The following CHAT variants were observed in gnomAD, a reference collection of about 807,000 sequenced individuals.
The protein encoded by CHAT is acetyl CoA:choline O-acetyltransferase.
In CHAT, 61 loss-of-function variants were observed where a neutral mutation model predicts 76.9. That is an observed-to-expected ratio of 0.79 (90% CI 0.65 to 0.98). CHAT has a LOEUF of 0.98. Ranked by LOEUF, CHAT falls within the 50% of genes least tolerant of loss-of-function variation. The pLI, the probability that CHAT is intolerant of heterozygous loss-of-function variation, is 0.00. For missense variants in CHAT, 946 were observed against 986.9 expected (o/e 0.96, Z 0.56); for synonymous variants, 407 against 397.4 (o/e 1.02, Z -0.29).
intron 5 of CHAT, 83 bp downstream of exon 5, chr10:49,622,233 G>T: frequency 7.0e-7 from 1 of 1,421,606 alleles, no homozygotes; most frequent in Admixed American, 1.7e-5. Flanking sequence ...TCTTTTTCCA[G>T]CTCTGTATTC....
intron 7 of CHAT, among the ~76,000 whole-genome samples, chr10:49,640,915 G>A (rs901895087): frequency 6.6e-6 from 1 of 152,160 alleles, no homozygotes; most frequent in African/African-American, 2.4e-5. Flanking sequence ...AATGCAAATT[G>A]GATATTTCAG....
intron 7 of CHAT, among the ~76,000 whole-genome samples, chr10:49,642,273 G>A (rs1383184281): frequency 6.6e-6 from 1 of 152,216 alleles, no homozygotes; most frequent in African/African-American, 2.4e-5. Context: ...ATGAGCTTGG[G>A]TGTAGTGCTC....
At chr10:49,611,132 A>C, upstream of CHAT, 1 of 1,614,082 alleles carries the variant, frequency 6.2e-7, no homozygotes, top group Non-Finnish European at 8.5e-7. Flanking sequence ...TTTGCTTCCA[A>C]GGCTATCCTG....
In CHAT at chr10:49,665,837, A is replaced by T. The variant is rs1393303280; in HGVS notation, c.*791A>T. Among the ~76,000 whole-genome samples the T allele has an allele frequency of 6.6e-6, 1 of 152,122 alleles. No individual in the cohort carries two copies. Among genetic ancestry groups the T allele is most frequent in the Non-Finnish European group, 1.5e-5 (1 of 68,012 alleles). ...GAGTAAACTGCACAGCCCCAAGCAG[A>T]TGGTGCCTGGTGCCGGTGGGTTTGC... On this transcript the variant is annotated 3_prime_UTR_variant, in exon 15 of 15. Coordinates refer to ENST00000337653, the MANE Select transcript of CHAT (RefSeq NM_020549.5).
chr10:49,617,420 A>C (rs1205833106), intron 2 of CHAT, among the ~76,000 whole-genome samples: 1 of 152,202 alleles, frequency 6.6e-6, no homozygotes, highest in Non-Finnish European at 1.5e-5. Flanking sequence ...TGAACTGCCC[A>C]GGAAACATGG....
chr10:49,622,020 GGGGAGGCAGAAGGGAGGGA>G, intron 4 of CHAT, 58 bp from the exon 5 acceptor site: 1 of 1,511,292 alleles, frequency 6.6e-7, no homozygotes, highest in Non-Finnish European at 9.2e-7. Flanking sequence ...GAAGGAGGGA[GGGGAGGCAGAAGGGAGGGA>G]GGGAGGGAGG....
chr10:49,660,318 C>T (rs772548984), intron 13 of CHAT, among the ~76,000 whole-genome samples: 5 of 151,786 alleles, frequency 3.3e-5, no homozygotes, highest in Non-Finnish European at 4.4e-5. Flanking sequence ...GCGGGGTGCC[C>T]GTAGTCCCAG....
chr10:49,612,085 G>A (rs1230546425), upstream of CHAT: 1 of 1,613,522 alleles, frequency 6.2e-7, no homozygotes, highest in South Asian at 1.1e-5. Flanking sequence ...GCTGGGCTTT[G>A]AGCAGCTCAG....
upstream of CHAT, among the ~76,000 whole-genome samples, chr10:49,609,676 C>A (rs1245191429): frequency 6.6e-6 from 1 of 151,914 alleles, no homozygotes; most frequent in Non-Finnish European, 1.5e-5. Context: ...GCGGAGGGGC[C>A]GGTGGGTCAG....
At chr10:49,654,478 C>T (rs994243584) in intron 11 of CHAT, among the ~76,000 whole-genome samples, 4 of 152,244 alleles carry the variant, frequency 2.6e-5, no homozygotes, top group African/African-American at 7.2e-5. Flanking sequence ...AGCCCAGGGA[C>T]GCTGGCCCAG....
At chr10:49,611,248 G>C, upstream of CHAT, 2 of 1,613,330 alleles carry the variant, frequency 1.2e-6, no homozygotes, top group Non-Finnish European at 1.7e-6. Flanking sequence ...AGTCCTGTTC[G>C]CCTTCGCCGA....
chr10:49,656,379 G>T (rs1212952879), intron 13 of CHAT, among the ~76,000 whole-genome samples: 1 of 149,190 alleles, frequency 6.7e-6, no homozygotes, highest in Non-Finnish European at 1.5e-5. Flanking sequence ...CATAAGCCCT[G>T]TCCTTAGGGA....
intron 1 of CHAT, among the ~76,000 whole-genome samples, chr10:49,615,311 A>T (rs1838448486): frequency 6.6e-6 from 1 of 152,194 alleles, no homozygotes; most frequent in South Asian, 2.1e-4. Flanking sequence ...TTCACTTTGC[A>T]GTTGGGGGCA....
chr10:49,614,596 G>C (rs1250928550), intron 1 of CHAT, 121 bp downstream of exon 1: 1 of 898,236 alleles, frequency 1.1e-6, no homozygotes, highest in Non-Finnish European at 1.7e-6. Context: ...GGAGTCCTCT[G>C]AGTCCTGCGC....
In CHAT at chr10:49,636,537, T is replaced by C. The variant is rs765777712; in HGVS notation, c.1111+8752T>C. Reference sequence around the variant, plus strand: ...GTATCAGGATACCTGTTTCGTAAAATAAATTGGGAAATGTTCCCTCCTCTT... The same window carrying C: ...GTATCAGGATACCTGTTTCGTAAAACAAATTGGGAAATGTTCCCTCCTCTT... On this transcript the variant is annotated intron_variant, in intron 7 of 14. Transcript: ENST00000337653. Among the ~76,000 whole-genome samples, 53 of 152,208 alleles carry C rather than the reference T, an allele frequency of 3.5e-4. 1 individual carries two copies. The highest frequency in any genetic ancestry group is 6.0e-4 in the Non-Finnish European group (41 of 68,012).
rs1377645719 is a variant in CHAT, at chr10:49,619,739, G to C, written c.402G>C (p.Leu134=). 2.5e-6 allele frequency: 4 copies of C among 1,612,230 alleles called. No homozygotes were observed. The highest frequency in any genetic ancestry group is 2.2e-5 in the South Asian group (2 of 91,024). ...PSSEESGLPK[L]PVPPLQQTLA... Reference sequence around the variant, plus strand: ...CTTTCTTCCAGGGGCTGCCCAAACTGCCCGTGCCCCCGCTGCAGCAGACCC... The same window carrying C: ...CTTTCTTCCAGGGGCTGCCCAAACTCCCCGTGCCCCCGCTGCAGCAGACCC... The change falls in exon 3 of 15, where the codon CTG becomes CTC. Residue 134 remains leucine, a synonymous_variant. Transcript: ENST00000337653.
chr10:49,653,437 A>G (rs1839941785), intron 11 of CHAT, among the ~76,000 whole-genome samples: 2 of 152,282 alleles, frequency 1.3e-5, no homozygotes, highest in Non-Finnish European at 2.9e-5. Flanking sequence ...ACCTGCTTTC[A>G]GTTTGCAACT....
chr10:49,648,500 G>T lies in CHAT; in HGVS notation c.1282-7G>T. 6.2e-7 allele frequency: 1 copy of T among 1,611,986 alleles called. No individual in the cohort carries two copies. The highest frequency in any genetic ancestry group is 8.5e-7 in the Non-Finnish European group (1 of 1,178,280). ...CATGATCGCCCACTCCCTCTTTCCT[G>T]TTGCAGTTTGTGGTGGGCCGAGACG... On this transcript the variant is annotated splice_region_variant and splice_polypyrimidine_tract_variant and intron_variant, in intron 8 of 14. Transcript: ENST00000337653.
intron 12 of CHAT, 75 bp downstream of exon 12, chr10:49,655,311 G>A (rs1036757758): frequency 1.1e-5 from 17 of 1,612,246 alleles, no homozygotes; most frequent in East Asian, 2.2e-5. Flanking sequence ...CAGTGGGCTC[G>A]GCCCTCTGAC....
Sources: allele counts gnomAD v4.1 joint callset (sites outside exome capture counted in the v4.1 genomes callset), GRCh38; gene constraint gnomAD v4.1.1; transcripts MANE v1.5; gene names NCBI Gene and HGNC (gene_info 2026-07-23, HGNC 2026-07-21).